The following ANTXR1 variants were observed in gnomAD, a reference collection of about 807,000 sequenced individuals.
ANTXR1 encodes ANTXR cell adhesion molecule 1.
In ANTXR1, 19 loss-of-function variants were observed where a neutral mutation model predicts 78.1. The observed-to-expected ratio is 0.24, with a 90% CI of 0.17 to 0.36. The LOEUF (loss-of-function observed/expected upper bound fraction) is 0.36. Ranked by LOEUF, ANTXR1 falls within the 10% of genes least tolerant of loss-of-function variation. The pLI is 1.00. For missense variants in ANTXR1, 518 were observed against 718.6 expected, an observed-to-expected ratio of 0.72 and a Z score of 3.19; for synonymous variants, 273 against 260.5, an observed-to-expected ratio of 1.05 and a Z score of -0.46.
At chr2:69,068,794 T>C (rs1370109178) in intron 3 of ANTXR1, among the ~76,000 whole-genome samples, 1 of 152,246 alleles carries the variant, frequency 6.6e-6, no homozygotes, top group Non-Finnish European at 1.5e-5. Flanking sequence ...ATTCAAAAGA[T>C]AGCAGGTGAC....
intron 17 of ANTXR1, among the ~76,000 whole-genome samples, chr2:69,224,831 G>C (rs534103746): frequency 1.3e-5 from 2 of 152,082 alleles, no homozygotes; most frequent in African/African-American, 4.8e-5. Context: ...TAATATTTGC[G>C]CTTAGTCCAT....
At chr2:69,111,440 T>C (rs1195187357) in intron 10 of ANTXR1, among the ~76,000 whole-genome samples, 1 of 152,268 alleles carries the variant, frequency 6.6e-6, no homozygotes, top group Non-Finnish European at 1.5e-5. Context: ...ACTATCCTAG[T>C]GTTGCATGGA....
At chr2:69,051,237 C>T (rs1670945465) in intron 3 of ANTXR1, among the ~76,000 whole-genome samples, 1 of 151,622 alleles carries the variant, frequency 6.6e-6, no homozygotes, top group Non-Finnish European at 1.5e-5. Context: ...GAGATCGCAC[C>T]ACTGCACTGT....
intron 12 of ANTXR1, among the ~76,000 whole-genome samples, chr2:69,128,045 C>T (rs1298101035): frequency 6.6e-6 from 1 of 151,980 alleles, no homozygotes; most frequent in East Asian, 1.9e-4. Flanking sequence ...CCCAACATGA[C>T]AAAACTCTGC....
chr2:69,245,879 C>A lies in ANTXR1; in HGVS notation c.*394C>A, dbSNP rs1326497978. On this transcript the variant is annotated 3_prime_UTR_variant, in exon 18 of 18. Transcript: ENST00000303714. ...CTAAAATGCTGCCTTCCTGCCTCTACTCCACCTCCATCCCTGGACTTTGGA... is the reference window on the plus strand; with the variant it reads ...CTAAAATGCTGCCTTCCTGCCTCTAATCCACCTCCATCCCTGGACTTTGGA... 9.9e-6 allele frequency: 2 copies of A among 202,566 alleles called. No homozygotes were observed. The highest frequency in any genetic ancestry group is 2.8e-4 in the East Asian group (2 of 7,096). The allele number at this position is 202,566 out of a possible 1,614,324, so 12.5% of individuals were successfully genotyped here.
At chr2:69,145,221 ACTTT>A in intron 12 of ANTXR1, 1 of 1,190,830 alleles carries the variant, frequency 8.4e-7, no homozygotes, top group South Asian at 1.3e-5. Context: ...ATTCGCTTAA[ACTTT>A]AGGGACCCTC....
rs1672751906 is a variant in ANTXR1 at position 69,131,717 on chromosome 2, A to G, written c.951+7074A>G. Among the ~76,000 whole-genome samples the G allele has an allele frequency of 2.0e-5, 3 of 152,188 alleles. No individual in the cohort carries two copies. The South Asian group carries it at 6.2e-4, about 31-fold the overall frequency. ...AATCAAGGGTCATACTGGTACCATG[A>G]TGGCACCTACTGGCAGGAAAGAAAA... On this transcript the variant is annotated intron_variant, in intron 12 of 17. Transcript: ENST00000303714.
At chr2:69,172,234 G>C in intron 14 of ANTXR1, 1 of 700,464 alleles carries the variant, frequency 1.4e-6, no homozygotes, top group Non-Finnish European at 2.5e-6. Flanking sequence ...CCAAACTGGA[G>C]ACCTAGGCAA....
rs527335774 is a variant in ANTXR1, at chr2:69,145,753, A to G, written c.952-6416A>G. 11 of 1,025,940 alleles carry G rather than the reference A, an allele frequency of 1.1e-5. No homozygotes were observed. In the South Asian group the frequency reaches 4.6e-4, roughly 43 times the overall value. 63.6% of individuals were successfully genotyped at this position (1,025,940 alleles called of 1,614,324 possible). Reference sequence around the variant, plus strand: ...CATTCTATCCTCCTCCCTTTCCCACAAAAGAAAACAGAAAGGAGCAGCAGT... The same window carrying G: ...CATTCTATCCTCCTCCCTTTCCCACGAAAGAAAACAGAAAGGAGCAGCAGT... On this transcript the variant is annotated intron_variant, in intron 12 of 17. Transcript: ENST00000303714.
At chr2:69,220,333 G>A (rs1334395062) in intron 17 of ANTXR1, among the ~76,000 whole-genome samples, 5 of 152,166 alleles carry the variant, frequency 3.3e-5, no homozygotes, top group African/African-American at 1.2e-4. Flanking sequence ...TGAGTTTCCT[G>A]ACCAAAATTA....
rs1359212719 is a variant in ANTXR1 at position 69,245,473 on chromosome 2, G to A, written c.1683G>A (p.Arg561=). ...CTCCTCCCTCCCGCCCTCCTCCAAG[G>A]CCTTCTGTCTAGAGCCCAAAGTTCC... is the stretch of plus-strand genomic sequence containing the variant. ...RAPPPSRPPP[R]PSV The change falls in exon 18 of 18, where the codon AGG becomes AGA. Residue 561 remains arginine, a synonymous_variant. Coordinates refer to ENST00000303714, the MANE Select transcript of ANTXR1 (RefSeq NM_032208.3). 3.1e-6 allele frequency: 5 copies of A among 1,611,740 alleles called. No homozygotes were observed. Among genetic ancestry groups the A allele is most frequent in the Non-Finnish European group, 8.5e-7 (1 of 1,179,312 alleles).
At chr2:69,088,834 A>C (rs1671137361) in intron 8 of ANTXR1, among the ~76,000 whole-genome samples, 1 of 152,224 alleles carries the variant, frequency 6.6e-6, no homozygotes, top group African/African-American at 2.4e-5. Context: ...CTTGTTCCCA[A>C]GTTAGACTGA....
chr2:69,133,287 A>C (rs192071455), intron 12 of ANTXR1, among the ~76,000 whole-genome samples: 1 of 152,324 alleles, frequency 6.6e-6, no homozygotes, highest in East Asian at 1.9e-4. Flanking sequence ...ACCCTTCCAA[A>C]CAACCAGTTG....
intron 16 of ANTXR1, 86 bp from the exon 17 acceptor site, chr2:69,193,246 TGAA>T: frequency 9.4e-7 from 1 of 1,066,980 alleles, no homozygotes; most frequent in Non-Finnish European, 1.5e-6. Flanking sequence ...TTCACATGAC[TGAA>T]GAAGCACGGA....
chr2:69,153,335 T>G (rs1461043951), intron 13 of ANTXR1, among the ~76,000 whole-genome samples: 1 of 151,468 alleles, frequency 6.6e-6, no homozygotes, highest in Admixed American at 6.6e-5. Flanking sequence ...GCACTGGACT[T>G]GAAAAGCAAG....
chr2:69,180,093 A>G (rs1674235860), intron 14 of ANTXR1, among the ~76,000 whole-genome samples: 2 of 152,230 alleles, frequency 1.3e-5, no homozygotes, highest in South Asian at 4.1e-4. Flanking sequence ...AAGACTGCCC[A>G]TCCCAAGCAC....
At chr2:69,053,163 A>G (rs1669973196) in intron 3 of ANTXR1, among the ~76,000 whole-genome samples, 1 of 152,214 alleles carries the variant, frequency 6.6e-6, no homozygotes, top group African/African-American at 2.4e-5. Context: ...TTTTCTGAGT[A>G]TAGTGACTTA....
chr2:69,156,501 A>G (rs1447524765), intron 13 of ANTXR1, among the ~76,000 whole-genome samples: 3 of 152,218 alleles, frequency 2.0e-5, no homozygotes, highest in Non-Finnish European at 4.4e-5. Flanking sequence ...CTACAAAGAC[A>G]TATACCTGAG....
At chr2:69,149,557 G>A (rs976969845) in intron 12 of ANTXR1, among the ~76,000 whole-genome samples, 10 of 152,162 alleles carry the variant, frequency 6.6e-5, no homozygotes, top group Non-Finnish European at 1.2e-4. Flanking sequence ...GTGAATAAAC[G>A]TAGTCTGTAG....
Sources: gnomAD v4.1 joint callset for allele counts (sites outside exome capture counted in the v4.1 genomes callset) on GRCh38, gnomAD v4.1.1 for gene constraint, MANE v1.5 for transcripts, NCBI Gene and HGNC (gene_info 2026-07-23, HGNC 2026-07-21) for gene names.